The following MGAT4C variants were observed in gnomAD, a reference collection of about 807,000 sequenced individuals.
MGAT4C encodes the protein alpha-1,3-mannosyl-glycoprotein 4-beta-N-acetylglucosaminyltransferase C.
In MGAT4C, 19 loss-of-function variants were observed where a neutral mutation model predicts 40.1. The observed-to-expected ratio is 0.47, with a 90% CI of 0.33 to 0.70. The LOEUF is 0.70. Ranked by LOEUF, MGAT4C falls within the 30% of genes least tolerant of loss-of-function variation. The pLI, the probability that MGAT4C is intolerant of heterozygous loss-of-function variation, is 0.02. For synonymous variants in MGAT4C, 181 were observed against 187.1 expected (o/e 0.97, Z 0.27); for missense variants, 491 against 563.2 (o/e 0.87, Z 1.30).
chr12:85,983,488 A>G lies in MGAT4C; in HGVS notation c.295+35T>C, dbSNP rs369014357. On this transcript the variant is annotated intron_variant, in intron 4 of 4. Coordinates refer to ENST00000611864, the MANE Select transcript of MGAT4C (RefSeq NM_001351288.2). ...TCATTATTTTAATGCAAAATATTTT[A>G]TGTATTCTTTATTTAAATGTTTAAG... The G allele has an allele frequency of 4.1e-6, 6 of 1,470,172 alleles. No homozygotes were observed. The African/African-American group carries it at 8.6e-5, about 21-fold the overall frequency. 91.1% of individuals were successfully genotyped at this position (1,470,172 alleles called of 1,614,324 possible). A position where few individuals can be genotyped will look rare whatever the true frequency, so the allele number is the denominator to read the frequency against.
intron 3 of MGAT4C, among the ~76,000 whole-genome samples, chr12:86,360,214 A>T (rs1354246266): frequency 6.6e-6 from 1 of 152,208 alleles, no homozygotes; most frequent in African/African-American, 2.4e-5. Context: ...CCATCATAAA[A>T]ACAGAACCAA....
At chr12:86,614,593 AT>A (rs1962388719) in intron 2 of MGAT4C, among the ~76,000 whole-genome samples, 1 of 151,990 alleles carries the variant, frequency 6.6e-6, no homozygotes, top group South Asian at 2.1e-4. Context: ...TTTAAATACC[AT>A]TTTTAAGCAC....
At chr12:86,384,656 T>TA (rs895103315) in intron 3 of MGAT4C, among the ~76,000 whole-genome samples, 1 of 152,364 alleles carries the variant, frequency 6.6e-6, no homozygotes, top group East Asian at 1.9e-4. Context: ...CAATGTTTGT[T>TA]AAAAAATAAC....
chr12:85,982,718 A>T (rs1272919043), intron 4 of MGAT4C, among the ~76,000 whole-genome samples: 1 of 152,156 alleles, frequency 6.6e-6, no homozygotes. Context: ...CCAAAAATTC[A>T]TGTCTACTTG....
At chr12:86,782,204 C>A in intron 1 of MGAT4C, among the ~76,000 whole-genome samples, 1 of 57,834 alleles carries the variant, frequency 1.7e-5, no homozygotes, top group Admixed American at 3.1e-4. Context: ...TTTTTTGAGA[C>A]GGAGTCTCGC....
intron 1 of MGAT4C, among the ~76,000 whole-genome samples, chr12:86,830,151 C>T (rs538788874): frequency 6.6e-6 from 1 of 151,388 alleles, no homozygotes. Flanking sequence ...TGAGCTTGAG[C>T]CTGAGTCTCA....
At chr12:86,446,695 A>ATATATATACATATATATATATC (rs1957346211) in intron 2 of MGAT4C, among the ~76,000 whole-genome samples, 1 of 132,604 alleles carries the variant, frequency 7.5e-6, no homozygotes, top group Non-Finnish European at 1.6e-5. Flanking sequence ...ATATATATAT[A>ATATATATACATATATATATATC]TATATATATG....
intron 2 of MGAT4C, among the ~76,000 whole-genome samples, chr12:86,611,388 A>ATAGGTAGGTAGG (rs150541086): frequency 6.7e-4 from 100 of 148,224 alleles, no homozygotes; most frequent in African/African-American, 2.4e-3. Context: ...GGTCCCATAG[A>ATAGGTAGGTAGG]TAGGTAGGTA....
chr12:86,514,585 C>T (rs1353473522), intron 2 of MGAT4C, among the ~76,000 whole-genome samples: 2 of 152,296 alleles, frequency 1.3e-5, no homozygotes, highest in African/African-American at 2.4e-5. Context: ...CAGTTTTTCT[C>T]ATGCTGCTAA....
chr12:86,430,645 G>A (rs543679941), intron 3 of MGAT4C, among the ~76,000 whole-genome samples: 2 of 152,238 alleles, frequency 1.3e-5, no homozygotes, highest in African/African-American at 2.4e-5. Flanking sequence ...GTGTACTCTG[G>A]TCAGCCAATT....
intron 2 of MGAT4C, among the ~76,000 whole-genome samples, chr12:86,701,162 T>A (rs1259541913): frequency 6.6e-6 from 1 of 152,140 alleles, no homozygotes; most frequent in Non-Finnish European, 1.5e-5. Flanking sequence ...CAACTAATGA[T>A]TAAATAAACC....
intron 2 of MGAT4C, among the ~76,000 whole-genome samples, chr12:86,511,043 T>G (rs56886336): frequency 9.2e-5 from 14 of 152,296 alleles, no homozygotes; most frequent in African/African-American, 3.1e-4. Context: ...TATACATTTT[T>G]TTCAGCACCA....
At chr12:86,341,324 A>G (rs188923403) in intron 3 of MGAT4C, among the ~76,000 whole-genome samples, 38 of 152,306 alleles carry the variant, frequency 2.5e-4, no homozygotes, top group African/African-American at 9.1e-4. Flanking sequence ...AGGGCCTTCA[A>G]TCTTCAGTCT....
intron 1 of MGAT4C, among the ~76,000 whole-genome samples, chr12:86,104,851 C>T (rs951085840): frequency 1.4e-4 from 14 of 98,462 alleles, no homozygotes; most frequent in African/African-American, 6.3e-4. Context: ...CAAAATTACA[C>T]GGCAAACCTG....
intron 2 of MGAT4C, among the ~76,000 whole-genome samples, chr12:86,671,754 C>T (rs1390993962): frequency 6.6e-6 from 1 of 151,792 alleles, no homozygotes; most frequent in Non-Finnish European, 1.5e-5. Context: ...GAGGATGTGA[C>T]AATTGTAAAT....
chr12:86,508,060 T>A (rs995805405), intron 2 of MGAT4C, among the ~76,000 whole-genome samples: 11 of 152,032 alleles, frequency 7.2e-5, no homozygotes, highest in South Asian at 2.1e-4. Flanking sequence ...AATATTTTTT[T>A]ATTTATTATT....
At chr12:86,169,850 G>A (rs1011457125) in intron 1 of MGAT4C, among the ~76,000 whole-genome samples, 1 of 152,268 alleles carries the variant, frequency 6.6e-6, no homozygotes, top group African/African-American at 2.4e-5. Flanking sequence ...AAATCAGAAT[G>A]TTTAAAAAAG....
chr12:86,402,108 C>A (rs951315082), intron 3 of MGAT4C, among the ~76,000 whole-genome samples: 1 of 151,610 alleles, frequency 6.6e-6, no homozygotes, highest in Non-Finnish European at 1.5e-5. Flanking sequence ...AATTTGGTGT[C>A]GTCTATTTAA....
At chr12:86,007,108 C>A (rs1177813789) in intron 2 of MGAT4C, among the ~76,000 whole-genome samples, 1 of 151,872 alleles carries the variant, frequency 6.6e-6, no homozygotes, top group Non-Finnish European at 1.5e-5. Flanking sequence ...TTCTCTTTAT[C>A]ATTATCATAG....
Sources: allele counts gnomAD v4.1 joint callset (sites outside exome capture counted in the v4.1 genomes callset), GRCh38; gene constraint gnomAD v4.1.1; transcripts MANE v1.5; gene names NCBI Gene and HGNC (gene_info 2026-07-23, HGNC 2026-07-21).